Variants in KIF21A observed in about 807,000 individuals in gnomAD.
The protein encoded by KIF21A is kinesin family member 21A, also known as kinesin-like protein KIF21A.
A neutral mutation model predicts 202.9 loss-of-function variants in KIF21A; 114 were observed. That is an observed-to-expected ratio of 0.56 (90% confidence interval 0.48 to 0.66). The LOEUF is 0.66. Ranked by LOEUF, KIF21A falls within the 30% of genes least tolerant of loss-of-function variation. The pLI, the probability that KIF21A is intolerant of heterozygous loss-of-function variation, is 0.00. For synonymous variants in KIF21A, 667 were observed against 670.8 expected (o/e 0.99, Z 0.09); for missense variants, 1,677 against 1,994.9 (o/e 0.84, Z 3.04).
intron 7 of KIF21A, among the ~76,000 whole-genome samples, chr12:39,358,993 C>T (rs1242611531): frequency 1.3e-5 from 2 of 151,962 alleles, no homozygotes; most frequent in Non-Finnish European, 2.9e-5. Flanking sequence ...TAAGTATGCC[C>T]CATTATGTTT....
rs145318959 is a variant in KIF21A at position 39,332,935 on chromosome 12, G to A, written c.2660C>T (p.Ala887Val). ...CGGCGTTGGTAAGGCCTGGACTCTC[G>A]CCACAGGAATTCTCATTTTCTGCTG... is the stretch of plus-strand genomic sequence containing the variant. ...GAQQKMRIPV[A>V]RVQALPTPAT... The change falls in exon 19 of 38, where the codon GCG becomes GTG. Residue 887 changes from alanine (A) to valine (V), a missense_variant. This residue lies in a region of KIF21A where 966 missense variants were observed against 1,180.9 expected (regional missense o/e 0.82). Transcript: ENST00000361418. 493 of 1,613,954 alleles carry A rather than the reference G, an allele frequency of 3.1e-4. No homozygotes were observed. The highest frequency in any genetic ancestry group is 3.7e-4 in the Non-Finnish European group (435 of 1,179,994).
In KIF21A at chr12:39,319,978, G is replaced by A; in HGVS notation, c.3707C>T (p.Pro1236Leu). Residue 1236 changes from proline to leucine, a missense_variant, in exon 28 of 38, where the codon CCA becomes CTA. Pro to Leu is a moderately conservative substitution (Grantham distance 98, BLOSUM62 -3). Transcript: ENST00000361418. ...TCTCCTTGTTACAGGAGAAGGCTCT[G>A]GAATTTTTTTTTCTGATAGAGATGA... ...RQSSLSEKKI[P>L]EPSPVTRRKA... is the part of the protein sequence containing the mutation. The A allele has an allele frequency of 6.2e-7, 1 of 1,608,086 alleles. No individual in the cohort carries two copies. Among genetic ancestry groups the A allele is most frequent in the Non-Finnish European group, 8.5e-7 (1 of 1,176,242 alleles).
At chr12:39,386,690 A>G (rs1381097423) in intron 1 of KIF21A, among the ~76,000 whole-genome samples, 1 of 152,194 alleles carries the variant, frequency 6.6e-6, no homozygotes, top group Non-Finnish European at 1.5e-5. Context: ...CAAGAGAAAT[A>G]ACCTCAGCCT....
At chr12:39,305,243 G>A (rs1023170390) in intron 34 of KIF21A, among the ~76,000 whole-genome samples, 3 of 151,696 alleles carry the variant, frequency 2.0e-5, no homozygotes, top group East Asian at 3.9e-4. Flanking sequence ...GTGGGTGCCT[G>A]TACTCCCAGC....
At chr12:39,382,770 T>C (rs915906905) in intron 1 of KIF21A, among the ~76,000 whole-genome samples, 1 of 152,126 alleles carries the variant, frequency 6.6e-6, no homozygotes, top group African/African-American at 2.4e-5. Context: ...AAAAAAACAA[T>C]TAACAAGCCA....
chr12:39,429,180 A>G (rs1954992744), intron 1 of KIF21A, among the ~76,000 whole-genome samples: 1 of 152,210 alleles, frequency 6.6e-6, no homozygotes, highest in African/African-American at 2.4e-5. Flanking sequence ...CTGCTAACCA[A>G]CTAGAAATAA....
intron 32 of KIF21A, 99 bp downstream of exon 32, chr12:39,311,318 T>C: frequency 8.3e-6 from 9 of 1,080,906 alleles, no homozygotes; most frequent in Non-Finnish European, 1.2e-5. Flanking sequence ...CGATTCTTTC[T>C]GGTCTTAAAT....
intron 1 of KIF21A, among the ~76,000 whole-genome samples, chr12:39,434,198 G>A (rs1566381223): frequency 6.6e-6 from 1 of 152,186 alleles, no homozygotes; most frequent in Non-Finnish European, 1.5e-5. Flanking sequence ...CTCATCCTAA[G>A]GCGGAAGGCA....
intron 1 of KIF21A, among the ~76,000 whole-genome samples, chr12:39,407,501 G>A (rs539358483): frequency 2.0e-3 from 311 of 152,112 alleles, no homozygotes; most frequent in South Asian, 3.9e-3. Flanking sequence ...AAATCCAATA[G>A]TCTATTCTCA....
At chr12:39,385,146 C>T (rs1395353514) in intron 1 of KIF21A, among the ~76,000 whole-genome samples, 2 of 151,938 alleles carry the variant, frequency 1.3e-5, no homozygotes, top group African/African-American at 2.4e-5. Flanking sequence ...TGGGTGTCAC[C>T]TTGGGGTCTG....
chr12:39,421,640 C>A (rs1011306941), intron 1 of KIF21A, among the ~76,000 whole-genome samples: 1 of 151,012 alleles, frequency 6.6e-6, no homozygotes, highest in African/African-American at 2.4e-5. Context: ...TTGCAGTAGG[C>A]CAGGGCTGCG....
At chr12:39,307,519 T>G (rs373714302) in intron 34 of KIF21A, 46 bp downstream of exon 34, 30 of 1,568,966 alleles carry the variant, frequency 1.9e-5, no homozygotes, top group Non-Finnish European at 2.5e-5. Context: ...ATGTCTGAAG[T>G]TGTATTTGCC....
intron 1 of KIF21A, among the ~76,000 whole-genome samples, chr12:39,375,810 G>A (rs982969212): frequency 2.6e-5 from 4 of 151,980 alleles, no homozygotes; most frequent in African/African-American, 9.7e-5. Flanking sequence ...ACATACTAGC[G>A]ACCTTTGGCA....
At chr12:39,390,163 T>A (rs780840939) in intron 1 of KIF21A, among the ~76,000 whole-genome samples, 1 of 152,130 alleles carries the variant, frequency 6.6e-6, no homozygotes, top group Non-Finnish European at 1.5e-5. Flanking sequence ...ATGAGAGAAG[T>A]AAGACTATGG....
Position 39,332,406 on chromosome 12 carries a change from T to C in KIF21A, c.2859A>G (p.Gln953=), listed in dbSNP as rs767624907. ...MEADMNRLLK[Q]REELTKRREK... ...CTCGTCTTTTTGTGAGTTCCTCCCG[T>C]TGCTATTGAGAAAGCAGGTTGGATT... The change falls in exon 21 of 38, where the codon CAA becomes CAG. Residue 953 remains glutamine (Q), a splice_region_variant and synonymous_variant. Coordinates refer to ENST00000361418, the MANE Select transcript of KIF21A (RefSeq NM_001173464.2). 1.9e-6 allele frequency: 3 copies of C among 1,613,770 alleles called. No homozygotes were observed. In the Admixed American group the frequency reaches 5.0e-5, roughly 27 times the overall value.
chr12:39,329,852 C>T (rs114461220), intron 24 of KIF21A, among the ~76,000 whole-genome samples: 2,081 of 151,778 alleles, frequency 0.014, 63 homozygotes, highest in African/African-American at 0.047. Flanking sequence ...AAGATATATA[C>T]AGAAGAAAGT....
chr12:39,340,229 T>C lies in KIF21A; in HGVS notation c.2246A>G (p.Gln749Arg). 1.9e-6 allele frequency: 3 copies of C among 1,613,230 alleles called. No individual in the cohort carries two copies. Among genetic ancestry groups the C allele is most frequent in the Non-Finnish European group, 2.5e-6 (3 of 1,179,638 alleles). ...CTTCAATTGCTTTTCATACTGAGAC[T>C]GATTTTTAAGCAACCTTGCATGTTC... ...QKEHARLLKN[Q>R]SQYEKQLKKL... Residue 749 changes from glutamine (Q) to arginine (R), a missense_variant, in exon 16 of 38, where the codon CAG becomes CGG. Transcript: ENST00000361418.
intron 32 of KIF21A, among the ~76,000 whole-genome samples, chr12:39,311,117 T>C (rs1172293866): frequency 6.6e-6 from 1 of 152,036 alleles, no homozygotes; most frequent in Non-Finnish European, 1.5e-5. Flanking sequence ...TATATTTAAA[T>C]AGCCTTTTAT....
chr12:39,372,675 A>G (rs1261071173), intron 1 of KIF21A, among the ~76,000 whole-genome samples: 1 of 152,208 alleles, frequency 6.6e-6, no homozygotes, highest in Non-Finnish European at 1.5e-5. Flanking sequence ...ATGCACACAG[A>G]CTATAAAAAC....
Sources: allele counts gnomAD v4.1 joint callset (sites outside exome capture counted in the v4.1 genomes callset), GRCh38; gene constraint gnomAD v4.1.1; regional missense constraint gnomAD v4.1.1; transcripts MANE v1.5; gene names NCBI Gene and HGNC (gene_info 2026-07-23, HGNC 2026-07-21).